RGS5: variants seen among roughly 807,000 people sequenced by gnomAD.
The protein encoded by RGS5 is regulator of G protein signaling 5.
In RGS5, 20 loss-of-function variants were observed where a neutral mutation model predicts 18.9. That is an observed-to-expected ratio of 1.06 (90% confidence interval 0.74 to 1.54). The LOEUF (loss-of-function observed/expected upper bound fraction) is 1.54. RGS5 is among the 40% of genes most tolerant of loss of function. RGS5 has a pLI of 0.00. For synonymous variants in RGS5, 57 were observed against 76.2 expected (o/e 0.75, Z 1.31); for missense variants, 201 against 211.8 (o/e 0.95, Z 0.32).
At chr1:163,235,091 G>A (rs1647588659) in intron 2 of RGS5, among the ~76,000 whole-genome samples, 1 of 152,196 alleles carries the variant, frequency 6.6e-6, no homozygotes, top group African/African-American at 2.4e-5. Flanking sequence ...GGGGCATGCA[G>A]AATATGCGGA....
At chr1:163,154,255 T>C (rs1657499457) in intron 3 of RGS5, among the ~76,000 whole-genome samples, 1 of 152,192 alleles carries the variant, frequency 6.6e-6, no homozygotes, top group Non-Finnish European at 1.5e-5. Flanking sequence ...ATAAAACGTA[T>C]GCAATGATAA....
chr1:163,321,130 A>T (rs1036525295), intron 1 of RGS5: 1 of 152,272 alleles, frequency 6.6e-6, no homozygotes, highest in Non-Finnish European at 1.5e-5. Context: ...TACAGATTTC[A>T]GGGCCCCTTA....
intron 2 of RGS5, among the ~76,000 whole-genome samples, chr1:163,258,480 T>C (rs1648337049): frequency 1.3e-5 from 2 of 152,174 alleles, no homozygotes; most frequent in African/African-American, 2.4e-5. Flanking sequence ...TATATGTGAT[T>C]TGGGAAAGCT....
chr1:163,228,144 G>A (rs1329930061), intron 2 of RGS5, among the ~76,000 whole-genome samples: 1 of 152,178 alleles, frequency 6.6e-6, no homozygotes, highest in Non-Finnish European at 1.5e-5. Context: ...GCTCTACTAG[G>A]CAGTCCCCCT....
intron 2 of RGS5, among the ~76,000 whole-genome samples, chr1:163,274,147 CATA>C (rs1557927489): frequency 6.6e-6 from 1 of 152,104 alleles, no homozygotes; most frequent in African/African-American, 2.4e-5. Context: ...CCTTTGTAAT[CATA>C]ATGAGCCCAT....
At chr1:163,232,324 A>G (rs1647503727) in intron 2 of RGS5, among the ~76,000 whole-genome samples, 1 of 152,202 alleles carries the variant, frequency 6.6e-6, no homozygotes, top group African/African-American at 2.4e-5. Flanking sequence ...ATACTCAATG[A>G]AAGTTTCCTG....
chr1:163,156,048 C>T (rs150386822), intron 3 of RGS5, among the ~76,000 whole-genome samples: 242 of 152,234 alleles, frequency 1.6e-3, no homozygotes, highest in Non-Finnish European at 2.5e-3. Flanking sequence ...TTAGACAAAT[C>T]CAAGTCAGTT....
At chr1:163,281,771 T>C (rs1206700184) in intron 2 of RGS5, among the ~76,000 whole-genome samples, 1 of 152,192 alleles carries the variant, frequency 6.6e-6, no homozygotes, top group Non-Finnish European at 1.5e-5. Context: ...TCCATGTTTG[T>C]ACAGTCAACT....
chr1:163,209,496 C>T (rs764371464), intron 1 of RGS5, among the ~76,000 whole-genome samples: 3 of 152,100 alleles, frequency 2.0e-5, no homozygotes, highest in Non-Finnish European at 4.4e-5. Flanking sequence ...ATTAAGTCAT[C>T]CTATCCCAAG....
rs1022638908 is a variant in RGS5 at position 163,258,645 on chromosome 1, C to G, written c.-281+47588G>C. On this transcript the variant is annotated intron_variant, in intron 2 of 5. Transcript: ENST00000618415. ...GAGGAAAATGCTAAAGTAAGTGTGT[C>G]TGTGTGTGTGTGTGTGTGTGTGTGT... Among the ~76,000 whole-genome samples, 9 of 148,290 alleles carry G rather than the reference C, an allele frequency of 6.1e-5. 1 individual carries two copies. Among genetic ancestry groups the G allele is most frequent in the East Asian group, 2.0e-4 (1 of 5,044 alleles).
At chr1:163,296,293 T>C (rs570539839) in intron 2 of RGS5, among the ~76,000 whole-genome samples, 2 of 152,336 alleles carry the variant, frequency 1.3e-5, no homozygotes, top group South Asian at 4.1e-4. Context: ...TCCTGTTTAT[T>C]GTCTTTGAGG....
intron 1 of RGS5, among the ~76,000 whole-genome samples, chr1:163,306,685 G>C (rs1250564417): frequency 6.6e-6 from 1 of 152,130 alleles, no homozygotes; most frequent in Non-Finnish European, 1.5e-5. Context: ...ATTAGGTTGG[G>C]TCTTACTCTA....
intron 3 of RGS5, among the ~76,000 whole-genome samples, chr1:163,157,590 A>C (rs1657635689): frequency 6.6e-6 from 1 of 152,212 alleles, no homozygotes. Flanking sequence ...ACTATTTAAC[A>C]CATCAACTGT....
chr1:163,171,974 G>A (rs1324770372), intron 1 of RGS5, among the ~76,000 whole-genome samples: 3 of 152,180 alleles, frequency 2.0e-5, no homozygotes, highest in Non-Finnish European at 1.5e-5. Flanking sequence ...CTTCTCAGAG[G>A]AGGCAAATGT....
intron 4 of RGS5, among the ~76,000 whole-genome samples, chr1:163,150,986 C>A (rs1420748625): frequency 6.6e-6 from 1 of 152,124 alleles, no homozygotes; most frequent in Non-Finnish European, 1.5e-5. Context: ...GTGCTTGACT[C>A]CAAACCTTGA....
intron 2 of RGS5, among the ~76,000 whole-genome samples, chr1:163,257,127 A>C (rs17362305): frequency 0.2 from 29,824 of 152,120 alleles, 3,370 homozygotes; most frequent in Non-Finnish European, 0.25. Context: ...AGGAGCTGAC[A>C]TTCTTGTCTA....
chr1:163,225,070 T>C (rs1041149777), intron 2 of RGS5, among the ~76,000 whole-genome samples: 1 of 152,238 alleles, frequency 6.6e-6, no homozygotes, highest in African/African-American at 2.4e-5. Context: ...TTGTTGCCTA[T>C]GCTTTTGAGG....
Position 163,310,137 on chromosome 1 carries a change from G to A in RGS5, c.-377-3808C>T, listed in dbSNP as rs147816763. On this transcript the variant is annotated intron_variant, in intron 1 of 5. Transcript: ENST00000618415. ...CCATTGACAGAGTAGAGGCCGAGTA[G>A]ATTCAGCATAATTCTTAAGGGCTGT... Among the ~76,000 whole-genome samples the A allele has an allele frequency of 2.5e-3, 380 of 152,332 alleles. 3 individuals are homozygous for A. Among genetic ancestry groups the A allele is most frequent in the African/African-American group, 7.7e-3 (319 of 41,574 alleles).
chr1:163,318,036 A>G (rs2101655079), intron 1 of RGS5, among the ~76,000 whole-genome samples: 1 of 152,316 alleles, frequency 6.6e-6, no homozygotes, highest in East Asian at 1.9e-4. Context: ...AGAAAAGTCA[A>G]CTAACTCAGA....
Sources: allele counts gnomAD v4.1 joint callset (sites outside exome capture counted in the v4.1 genomes callset), GRCh38; gene constraint gnomAD v4.1.1; transcripts MANE v1.5; gene names NCBI Gene and HGNC (gene_info 2026-07-23, HGNC 2026-07-21).